The following TBC1D22A variants were observed in gnomAD, a reference collection of about 807,000 sequenced individuals.
TBC1D22A encodes TBC1 domain family member 22A.
Under a neutral mutation model 60.2 loss-of-function variants are expected in TBC1D22A, and 38 were observed. That is an observed-to-expected ratio of 0.63 (90% CI 0.49 to 0.83). The LOEUF is 0.83. Among genes scored for constraint, TBC1D22A ranks in the 40% least tolerant of loss-of-function variants. The pLI, the probability that TBC1D22A is intolerant of heterozygous loss-of-function variation, is 0.00. For missense variants in TBC1D22A, 628 were observed against 701.0 expected (o/e 0.90, Z 1.18); for synonymous variants, 302 against 281.7 (o/e 1.07, Z -0.72).
intron 1 of TBC1D22A, among the ~76,000 whole-genome samples, chr22:46,787,954 T>G (rs1015132343): frequency 5.4e-5 from 8 of 149,202 alleles, no homozygotes; most frequent in Non-Finnish European, 8.9e-5. Flanking sequence ...TTTTTTTTTT[T>G]GGGACGGAGT....
intron 8 of TBC1D22A, among the ~76,000 whole-genome samples, chr22:46,967,735 C>T (rs1229501106): frequency 1.3e-5 from 2 of 152,206 alleles, no homozygotes; most frequent in African/African-American, 4.8e-5. Context: ...TGAGAGAGAA[C>T]TTAACCCGCA....
chr22:47,172,954 G>C (rs899522360), intron 12 of TBC1D22A, among the ~76,000 whole-genome samples: 1 of 152,244 alleles, frequency 6.6e-6, no homozygotes, highest in African/African-American at 2.4e-5. Flanking sequence ...TGGTGCTGGT[G>C]CCCGGAGGGG....
rs376367674 is a variant in TBC1D22A, at chr22:46,817,709, T to C, written c.637+20089T>C. On this transcript the variant is annotated intron_variant, in intron 4 of 12. Transcript: ENST00000337137. ...TTTGCTATTGTAAATAGTGTTGCAG[T>C]AAACATATGTGTGTGCACGTATCTT... is the stretch of plus-strand genomic sequence containing the variant. Among the ~76,000 whole-genome samples, 24 of 152,380 alleles carry C rather than the reference T, an allele frequency of 1.6e-4. No individual in the cohort carries two copies. In the East Asian group the frequency reaches 3.7e-3, roughly 23 times the overall value.
rs778336837 is a variant in TBC1D22A at position 46,793,689 on chromosome 22, G to T, written c.308G>T (p.Arg103Leu). ...VVMETANRVL[R>L]NHSQRQGRPT... is the part of the protein sequence containing the mutation. ...ATGGAGACGGCCAACCGTGTGCTGC[G>T]TAACCACAGCCAGCGGCAGGGGCGG... Residue 103 changes from arginine (R) to leucine (L), a missense_variant, in exon 3 of 13, where the codon CGT (arginine) becomes CTT (leucine). Coordinates refer to ENST00000337137, the MANE Select transcript of TBC1D22A (RefSeq NM_014346.5). 1 of 1,612,878 alleles carries T rather than the reference G, an allele frequency of 6.2e-7. No homozygotes were observed. Among genetic ancestry groups the T allele is most frequent in the Non-Finnish European group, 8.5e-7 (1 of 1,179,890 alleles).
At chr22:46,801,031 A>G (rs996000794) in intron 4 of TBC1D22A, among the ~76,000 whole-genome samples, 3 of 152,260 alleles carry the variant, frequency 2.0e-5, no homozygotes, top group Admixed American at 6.5e-5. Context: ...TTAAAAGTAA[A>G]GCTTTCAAGA....
chr22:46,837,850 CAGG>C (rs1322073952), intron 4 of TBC1D22A, among the ~76,000 whole-genome samples: 3 of 152,162 alleles, frequency 2.0e-5, no homozygotes, highest in African/African-American at 7.2e-5. Flanking sequence ...ATCACGAGGT[CAGG>C]AGTTCAAGAC....
At chr22:46,847,963 GCA>G (rs2087096841) in intron 4 of TBC1D22A, among the ~76,000 whole-genome samples, 1 of 141,750 alleles carries the variant, frequency 7.1e-6, no homozygotes, top group African/African-American at 2.7e-5. Context: ...GTGCGCGCGC[GCA>G]CGCGCTCTAC....
chr22:46,952,761 G>A (rs572487471), intron 8 of TBC1D22A, among the ~76,000 whole-genome samples: 1 of 152,166 alleles, frequency 6.6e-6, no homozygotes, highest in South Asian at 2.1e-4. Context: ...GAAACCTGAG[G>A]GCCCCTGGAT....
intron 4 of TBC1D22A, among the ~76,000 whole-genome samples, chr22:46,811,195 G>C (rs990713003): frequency 6.6e-6 from 1 of 152,212 alleles, no homozygotes; most frequent in South Asian, 2.1e-4. Context: ...GACAGGCTTT[G>C]GTGCCTGTCC....
At chr22:47,089,468 T>C (rs1326621487) in intron 11 of TBC1D22A, among the ~76,000 whole-genome samples, 1 of 152,264 alleles carries the variant, frequency 6.6e-6, no homozygotes, top group Non-Finnish European at 1.5e-5. Flanking sequence ...AAAAGTCTTA[T>C]TTGAAAATGG....
chr22:46,955,021 A>G (rs974707475), intron 8 of TBC1D22A, among the ~76,000 whole-genome samples: 5 of 152,224 alleles, frequency 3.3e-5, no homozygotes, highest in African/African-American at 1.2e-4. Context: ...ATAGTTGAAT[A>G]ATAAGACGCG....
chr22:47,165,034 G>A (rs77032298), intron 12 of TBC1D22A, among the ~76,000 whole-genome samples: 2,360 of 152,204 alleles, frequency 0.016, 53 homozygotes, highest in African/African-American at 0.053. Context: ...GGGCCTATCC[G>A]GTGCTCACTC....
intron 5 of TBC1D22A, 132 bp from the exon 6 acceptor site, chr22:46,891,134 G>A (rs899697971): frequency 3.0e-6 from 3 of 997,288 alleles, no homozygotes; most frequent in African/African-American, 1.7e-5. Flanking sequence ...CCCACAATTT[G>A]TGCTCCTCTC....
intron 11 of TBC1D22A, among the ~76,000 whole-genome samples, chr22:47,067,621 T>C (rs1451071336): frequency 1.3e-5 from 2 of 152,202 alleles, no homozygotes; most frequent in East Asian, 3.8e-4. Flanking sequence ...GCTGTCCTGT[T>C]GTTTCGGGTT....
In TBC1D22A at chr22:47,139,056, A is replaced by G. The variant is rs144575671; in HGVS notation, c.1425+27453A>G. On this transcript the variant is annotated intron_variant, in intron 12 of 12. Coordinates refer to ENST00000337137, the MANE Select transcript of TBC1D22A (RefSeq NM_014346.5). ...ACCAGGAGGCCAGCCCTCGCTCTGC[A>G]GCCGTCTCCCCTGAGGGCCCAGCCT... Among the ~76,000 whole-genome samples, 1,142 of 152,326 alleles carry G rather than the reference A, an allele frequency of 7.5e-3. 13 individuals carry two copies. Among genetic ancestry groups the G allele is most frequent in the African/African-American group, 0.024 (977 of 41,574 alleles).
chr22:46,771,239 G>A (rs1309040494), intron 1 of TBC1D22A, among the ~76,000 whole-genome samples: 1 of 152,258 alleles, frequency 6.6e-6, no homozygotes, highest in East Asian at 1.9e-4. Flanking sequence ...GTACCCCATC[G>A]CCTCCAAGTG....
intron 10 of TBC1D22A, among the ~76,000 whole-genome samples, chr22:47,016,051 G>A (rs1480877122): frequency 1.3e-5 from 2 of 152,182 alleles, no homozygotes; most frequent in Non-Finnish European, 2.9e-5. Context: ...AGGGGTTCCT[G>A]AAGAGTCAGC....
intron 12 of TBC1D22A, among the ~76,000 whole-genome samples, chr22:47,131,198 G>C (rs1414986111): frequency 1.3e-5 from 2 of 152,204 alleles, no homozygotes; most frequent in Admixed American, 6.5e-5. Flanking sequence ...AACACCAGCT[G>C]TCACATTCCA....
chr22:46,849,790 A>C (rs1349447109), intron 4 of TBC1D22A, among the ~76,000 whole-genome samples: 3 of 152,260 alleles, frequency 2.0e-5, no homozygotes, highest in Non-Finnish European at 4.4e-5. Context: ...GTGCTCCGTG[A>C]CTGTCGCCTG....
Sources: gnomAD v4.1 joint callset for allele counts (sites outside exome capture counted in the v4.1 genomes callset) on GRCh38, gnomAD v4.1.1 for gene constraint, MANE v1.5 for transcripts, NCBI Gene and HGNC (gene_info 2026-07-23, HGNC 2026-07-21) for gene names.